Variants in FRMD5 observed in about 807,000 individuals in gnomAD.
The protein encoded by FRMD5 is FERM domain-containing protein 5.
Under a neutral mutation model 69.0 loss-of-function variants are expected in FRMD5, and 20 were observed. The observed-to-expected ratio is 0.29, with a 90% CI of 0.20 to 0.42. The LOEUF (loss-of-function observed/expected upper bound fraction) is 0.42. FRMD5 is among the 10% of genes least tolerant of loss of function. FRMD5 has a pLI of 1.00. For synonymous variants in FRMD5, 271 were observed against 260.1 expected (o/e 1.04, Z -0.40); for missense variants, 595 against 708.6 (o/e 0.84, Z 1.82).
At chr15:43,891,872 G>A in intron 8 of FRMD5, 109 bp downstream of exon 8, 3 of 837,202 alleles carry the variant, frequency 3.6e-6, no homozygotes, top group Non-Finnish European at 2.0e-6. Flanking sequence ...AGGCTTTGGA[G>A]AGGGCTCTGA....
At chr15:44,042,963 A>C (rs1595662885) in intron 1 of FRMD5, among the ~76,000 whole-genome samples, 2 of 152,360 alleles carry the variant, frequency 1.3e-5, no homozygotes, top group African/African-American at 4.8e-5. Flanking sequence ...AAGGGTATTC[A>C]ATTAGGAAAA....
intron 1 of FRMD5, among the ~76,000 whole-genome samples, chr15:44,113,482 G>A (rs2076827634): frequency 6.6e-6 from 1 of 152,186 alleles, no homozygotes; most frequent in African/African-American, 2.4e-5. Flanking sequence ...ATATGAGCAT[G>A]CAATGTGTAA....
intron 1 of FRMD5, among the ~76,000 whole-genome samples, chr15:44,178,993 GAAAT>G (rs58781373): frequency 0.99 from 149,262 of 151,510 alleles, 73,548 homozygotes; most frequent in Middle Eastern, 1. Flanking sequence ...ACTCTGTCTT[GAAAT>G]AAATAAATAA....
rs769875158 is a variant in FRMD5, at chr15:43,873,941, T to A, written c.1657A>T (p.Arg553Trp). 6.2e-7 allele frequency: 1 copy of A among 1,614,136 alleles called. No homozygotes were observed. Among genetic ancestry groups the A allele is most frequent in the East Asian group, 2.2e-5 (1 of 44,878 alleles). Residue 553 changes from arginine (R) to tryptophan (W), a missense_variant, in exon 14 of 14, where the codon AGG (arginine) becomes TGG (tryptophan). Arg to Trp is a moderately radical substitution (Grantham distance 101, BLOSUM62 -3). This residue lies in a region of FRMD5 where 245 missense variants were observed against 227.1 expected (regional missense o/e 1.08). Transcript: ENST00000417257. ...CGGATTTTGCAGGCAAACCATCGCC[T>A]GAGGGGACAAAAGTATTGATAGTGG... ...QFHYQYFCPL[R>W]RWFACKIRSV...
intron 1 of FRMD5, among the ~76,000 whole-genome samples, chr15:44,184,014 T>C (rs2140577786): frequency 1.3e-5 from 2 of 152,060 alleles, no homozygotes; most frequent in South Asian, 4.2e-4. Flanking sequence ...TCTTTCATTA[T>C]CCTCAACCTG....
chr15:44,093,124 G>A (rs2076498533), intron 1 of FRMD5, among the ~76,000 whole-genome samples: 1 of 151,724 alleles, frequency 6.6e-6, no homozygotes, highest in African/African-American at 2.4e-5. Context: ...TAGAGACGGG[G>A]TTTCACCATG....
chr15:43,938,790 T>C (rs1221896849), intron 1 of FRMD5, among the ~76,000 whole-genome samples: 1 of 152,160 alleles, frequency 6.6e-6, no homozygotes, highest in Non-Finnish European at 1.5e-5. Context: ...AAGCAAAAAA[T>C]GAGCAGCATT....
chr15:44,130,703 T>C (rs913302344), intron 1 of FRMD5, among the ~76,000 whole-genome samples: 16 of 152,026 alleles, frequency 1.1e-4, no homozygotes, highest in African/African-American at 3.9e-4. Context: ...ATGGAACAAA[T>C]GGAAAAAAGT....
intron 1 of FRMD5, among the ~76,000 whole-genome samples, chr15:43,982,452 G>A (rs1365810089): frequency 2.6e-5 from 4 of 152,002 alleles, no homozygotes; most frequent in Admixed American, 6.6e-5. Flanking sequence ...TCACTTTAAC[G>A]CTTGAGGGTT....
chr15:43,991,582 C>T (rs932499843), intron 1 of FRMD5, among the ~76,000 whole-genome samples: 1 of 152,204 alleles, frequency 6.6e-6, no homozygotes, highest in African/African-American at 2.4e-5. Context: ...AACACCCTCC[C>T]AGGACAAGGC....
At chr15:44,160,771 A>C (rs1460834161) in intron 1 of FRMD5, among the ~76,000 whole-genome samples, 2 of 152,244 alleles carry the variant, frequency 1.3e-5, no homozygotes, top group African/African-American at 2.4e-5. Context: ...TTATGGTGAC[A>C]ACTAGCAATA....
At chr15:43,913,011 T>G (rs1270523591) in intron 4 of FRMD5, among the ~76,000 whole-genome samples, 3 of 146,490 alleles carry the variant, frequency 2.0e-5, no homozygotes, top group African/African-American at 7.7e-5. Context: ...TCAGCCTGGC[T>G]GACGAGAGCA....
chr15:43,960,140 G>A (rs954009257), intron 1 of FRMD5, among the ~76,000 whole-genome samples: 1 of 152,182 alleles, frequency 6.6e-6, no homozygotes, highest in African/African-American at 2.4e-5. Flanking sequence ...CCAGGCTGGA[G>A]TGCAGTGGCA....
intron 1 of FRMD5, among the ~76,000 whole-genome samples, chr15:44,001,172 T>C (rs1156853415): frequency 6.6e-6 from 1 of 152,230 alleles, no homozygotes; most frequent in East Asian, 1.9e-4. Context: ...TTGAACACCT[T>C]TTCATATACT....
intron 1 of FRMD5, among the ~76,000 whole-genome samples, chr15:43,962,349 G>C (rs889080740): frequency 6.6e-5 from 10 of 152,250 alleles, no homozygotes; most frequent in Non-Finnish European, 1.3e-4. Flanking sequence ...AACTTACAAG[G>C]GACGTGAAGG....
intron 1 of FRMD5, among the ~76,000 whole-genome samples, chr15:43,996,588 A>T (rs1191880108): frequency 6.6e-6 from 1 of 151,338 alleles, no homozygotes; most frequent in Non-Finnish European, 1.5e-5. Context: ...CTGTGAGGTG[A>T]TGAGTGCTAT....
intron 4 of FRMD5, among the ~76,000 whole-genome samples, chr15:43,911,879 T>A (rs1327963628): frequency 2.0e-5 from 3 of 152,098 alleles, no homozygotes; most frequent in African/African-American, 7.2e-5. Flanking sequence ...GTGCAACTTC[T>A]AGGAGGTGGT....
intron 1 of FRMD5, among the ~76,000 whole-genome samples, chr15:43,999,233 A>T (rs112038141): frequency 0.01 from 1,577 of 152,064 alleles, 36 homozygotes; most frequent in African/African-American, 0.036. Context: ...ACGCCTGGCT[A>T]ATTTTTATAA....
intron 1 of FRMD5, among the ~76,000 whole-genome samples, chr15:44,083,910 C>A (rs16959345): frequency 0.04 from 6,072 of 152,030 alleles, 356 homozygotes; most frequent in African/African-American, 0.12. Flanking sequence ...TTGATCTTAT[C>A]CTCAAAAGGC....
Sources: allele counts gnomAD v4.1 joint callset (sites outside exome capture counted in the v4.1 genomes callset), GRCh38; gene constraint gnomAD v4.1.1; regional missense constraint gnomAD v4.1.1; transcripts MANE v1.5; gene names NCBI Gene and HGNC (gene_info 2026-07-23, HGNC 2026-07-21).